Variants in ROBO1 observed in about 807,000 individuals in gnomAD.
ROBO1 encodes roundabout guidance receptor 1.
ROBO1 carries 149 observed loss-of-function variants against 195.9 expected under a neutral mutation model. The observed-to-expected ratio is 0.76, with a 90% confidence interval of 0.67 to 0.87. ROBO1 has a LOEUF of 0.87. Ranked by LOEUF, ROBO1 falls within the 40% of genes least tolerant of loss-of-function variation. The pLI is 0.00. For synonymous variants in ROBO1, 816 were observed against 733.2 expected (o/e 1.11, Z -1.82); for missense variants, 1,933 against 2,068.3 (o/e 0.93, Z 1.27).
intron 2 of ROBO1, among the ~76,000 whole-genome samples, chr3:79,433,386 CATTTTTT>C (rs1415444460): frequency 1.3e-5 from 2 of 152,158 alleles, no homozygotes; most frequent in Non-Finnish European, 2.9e-5. Flanking sequence ...TTGTAAAACA[CATTTTTT>C]ATTTTTTATT....
At chr3:78,854,416 T>C (rs961421649) in intron 4 of ROBO1, among the ~76,000 whole-genome samples, 20 of 150,282 alleles carry the variant, frequency 1.3e-4, no homozygotes, top group Non-Finnish European at 2.7e-4. Context: ...TGTGTACACA[T>C]AGAGAGAGAC....
intron 4 of ROBO1, among the ~76,000 whole-genome samples, chr3:78,912,100 G>GA: frequency 6.6e-6 from 1 of 152,038 alleles, no homozygotes; most frequent in Non-Finnish European, 1.5e-5. Context: ...ACAGCTTAAA[G>GA]AAAAAATACT....
intron 8 of ROBO1, among the ~76,000 whole-genome samples, chr3:78,711,384 TTCCTTCCTTCCTTCC>T (rs2081718394): frequency 2.3e-5 from 1 of 42,696 alleles, no homozygotes; most frequent in Non-Finnish European, 4.7e-5. Context: ...CCTTCCTTCC[TTCCTTCCTTCCTTCC>T]TTTCTTTCTT....
intron 8 of ROBO1, among the ~76,000 whole-genome samples, chr3:78,703,362 C>T (rs1575972696): frequency 6.6e-6 from 1 of 152,294 alleles, no homozygotes; most frequent in East Asian, 1.9e-4. Flanking sequence ...ACAAATCACT[C>T]TCTTGTTAAA....
intron 4 of ROBO1, among the ~76,000 whole-genome samples, chr3:78,823,189 A>AT (rs4067935): frequency 7.0e-6 from 1 of 142,140 alleles, no homozygotes; most frequent in Non-Finnish European, 1.5e-5. Flanking sequence ...ATTTAAAATG[A>AT]TTTTTTTTTT....
At chr3:79,381,129 C>T (rs1246292104) in intron 2 of ROBO1, among the ~76,000 whole-genome samples, 2 of 151,980 alleles carry the variant, frequency 1.3e-5, no homozygotes, top group African/African-American at 4.8e-5. Flanking sequence ...GAGGCTGAGG[C>T]GGGTGGATCA....
chr3:79,246,388 CT>C (rs1318289200), intron 2 of ROBO1, among the ~76,000 whole-genome samples: 2 of 152,036 alleles, frequency 1.3e-5, no homozygotes, highest in Non-Finnish European at 2.9e-5. Context: ...AGTCTTGCCC[CT>C]GTGTCTAAAT....
At chr3:79,432,006 A>G (rs548731713) in intron 2 of ROBO1, among the ~76,000 whole-genome samples, 2 of 152,206 alleles carry the variant, frequency 1.3e-5, no homozygotes, top group African/African-American at 4.8e-5. Flanking sequence ...AGATAATCTA[A>G]TTACTAAATT....
intron 3 of ROBO1, among the ~76,000 whole-genome samples, chr3:78,983,017 C>T (rs1468560863): frequency 6.6e-6 from 1 of 152,096 alleles, no homozygotes; most frequent in African/African-American, 2.4e-5. Context: ...CAGGGATCCT[C>T]CCACCTCAGC....
At chr3:79,011,298 G>A (rs1475059144) in intron 3 of ROBO1, among the ~76,000 whole-genome samples, 1 of 152,122 alleles carries the variant, frequency 6.6e-6, no homozygotes, top group African/African-American at 2.4e-5. Flanking sequence ...TTCTTGTATA[G>A]GAAAGGAATT....
chr3:79,706,829 T>A (rs1283341866), intron 1 of ROBO1, among the ~76,000 whole-genome samples: 3 of 152,158 alleles, frequency 2.0e-5, no homozygotes, highest in African/African-American at 4.8e-5. Context: ...CTCAGGTATG[T>A]CTTCATCAAC....
chr3:79,491,797 T>A (rs62257600), intron 2 of ROBO1, among the ~76,000 whole-genome samples: 107 of 146,390 alleles, frequency 7.3e-4, no homozygotes, highest in South Asian at 5.1e-3. Context: ...TTTTTTTTTT[T>A]AATTTTGTGG....
chr3:78,973,266 T>A (rs1423431879), intron 3 of ROBO1, among the ~76,000 whole-genome samples: 1 of 151,894 alleles, frequency 6.6e-6, no homozygotes, highest in Non-Finnish European at 1.5e-5. Context: ...ACTCCTCCAC[T>A]TCTCCATTGC....
intron 2 of ROBO1, among the ~76,000 whole-genome samples, chr3:79,433,265 G>A (rs1398952169): frequency 2.6e-5 from 4 of 152,108 alleles, no homozygotes; most frequent in African/African-American, 9.7e-5. Flanking sequence ...CCACTTAAAA[G>A]TAGAACATGC....
At chr3:78,682,867 T>C (rs1164942542) in intron 10 of ROBO1, among the ~76,000 whole-genome samples, 1 of 151,554 alleles carries the variant, frequency 6.6e-6, no homozygotes, top group Admixed American at 6.6e-5. Flanking sequence ...CTTTGCTAAA[T>C]TCACTCATTT....
At chr3:79,064,225 C>G (rs1049793356) in intron 3 of ROBO1, among the ~76,000 whole-genome samples, 2 of 151,820 alleles carry the variant, frequency 1.3e-5, no homozygotes, top group Admixed American at 1.3e-4. Context: ...TTATTATATG[C>G]CAATTGTACA....
chr3:79,514,079 G>A (rs1359568525), intron 2 of ROBO1, among the ~76,000 whole-genome samples: 1 of 152,154 alleles, frequency 6.6e-6, no homozygotes, highest in Admixed American at 6.6e-5. Flanking sequence ...CAATGTTGGG[G>A]AGCAGCACGG....
At position 78,964,960 on chromosome 3, in the gene ROBO1, G is replaced by A. The variant is rs534739014; in HGVS notation, c.173-26033C>T. Among the ~76,000 whole-genome samples the A allele has an allele frequency of 5.3e-5, 8 of 151,476 alleles. No homozygotes were observed. The South Asian group carries it at 1.5e-3, about 28-fold the overall frequency. On this transcript the variant is annotated intron_variant, in intron 3 of 30. Transcript: ENST00000464233. ...TGGGATTACAGGCATGAGCCACTGCGCCCAGCCTATGTTTCACTCTGAGAA... is the reference window on the plus strand; with the variant it reads ...TGGGATTACAGGCATGAGCCACTGCACCCAGCCTATGTTTCACTCTGAGAA...
intron 2 of ROBO1, among the ~76,000 whole-genome samples, chr3:79,453,543 T>C (rs957565984): frequency 1.3e-5 from 2 of 151,974 alleles, no homozygotes; most frequent in Non-Finnish European, 2.9e-5. Flanking sequence ...AGATTAAAAA[T>C]TACTGAAGAA....
Sources: allele counts gnomAD v4.1 joint callset (sites outside exome capture counted in the v4.1 genomes callset), GRCh38; gene constraint gnomAD v4.1.1; transcripts MANE v1.5; gene names NCBI Gene and HGNC (gene_info 2026-07-23, HGNC 2026-07-21).